MIGA1: variants seen among roughly 807,000 people sequenced by gnomAD.
The protein encoded by MIGA1 is mitoguardin 1.
A neutral mutation model predicts 82.0 loss-of-function variants in MIGA1; 58 were observed. The ratio of observed to expected loss-of-function variants is 0.71; its 90% CI spans 0.57 to 0.88. The LOEUF (loss-of-function observed/expected upper bound fraction) is 0.88. Ranked by LOEUF, MIGA1 falls within the 40% of genes least tolerant of loss-of-function variation. The pLI is 0.00. For missense variants in MIGA1, 751 were observed against 749.1 expected, an observed-to-expected ratio of 1.00 and a Z score of -0.03; for synonymous variants, 249 against 253.6, an observed-to-expected ratio of 0.98 and a Z score of 0.17.
At chr1:77,783,759 A>G (rs574436753) in intron 2 of MIGA1, among the ~76,000 whole-genome samples, 1 of 152,222 alleles carries the variant, frequency 6.6e-6, no homozygotes, top group Non-Finnish European at 1.5e-5. Flanking sequence ...ACATTGTTGT[A>G]CAAACAATAT....
At chr1:77,816,705 AAGT>A (rs1187414412) in intron 7 of MIGA1, among the ~76,000 whole-genome samples, 1 of 152,226 alleles carries the variant, frequency 6.6e-6, no homozygotes, top group African/African-American at 2.4e-5. Flanking sequence ...TCTAGAAAAA[AAGT>A]AGGCAGTATT....
intron 11 of MIGA1, chr1:77,860,901 CCAAAAGAAGCAGAACTGCAA>C: frequency 4.1e-6 from 1 of 241,350 alleles, no homozygotes; most frequent in Non-Finnish European, 8.0e-6. Context: ...TAGGGTTCCT[CCAAAAGAAGCAGAACTGCAA>C]CAAAAGCCTC....
intron 2 of MIGA1, among the ~76,000 whole-genome samples, chr1:77,791,603 AC>A (rs1248251927): frequency 1.5e-5 from 2 of 135,164 alleles, no homozygotes; most frequent in Non-Finnish European, 3.1e-5. Context: ...TTGCTCTGTC[AC>A]CCAGACTGGA....
intron 8 of MIGA1, chr1:77,847,326 G>A (rs1469302778): frequency 1.1e-6 from 1 of 919,358 alleles, no homozygotes; most frequent in East Asian, 2.4e-5. Flanking sequence ...TACTGTGTAT[G>A]AATATGACAG....
At chr1:77,811,870 A>T in intron 5 of MIGA1, 1 of 1,454,504 alleles carries the variant, frequency 6.9e-7, no homozygotes, top group Non-Finnish European at 9.0e-7. Context: ...CCCCGACATT[A>T]ACAGGGCCAG....
intron 8 of MIGA1, among the ~76,000 whole-genome samples, chr1:77,855,349 G>A (rs899075739): frequency 3.3e-5 from 5 of 152,026 alleles, no homozygotes. Context: ...AATTCTTTTC[G>A]CTTAGTCTTT....
chr1:77,849,963 A>G (rs1684983115), intron 8 of MIGA1, among the ~76,000 whole-genome samples: 1 of 151,892 alleles, frequency 6.6e-6, no homozygotes, highest in South Asian at 2.1e-4. Context: ...TGAACCTGGG[A>G]AGCAGAGGTT....
chr1:77,813,135 C>G (rs575334308), intron 5 of MIGA1, among the ~76,000 whole-genome samples: 1 of 152,206 alleles, frequency 6.6e-6, no homozygotes, highest in South Asian at 2.1e-4. Flanking sequence ...GCACGTATCA[C>G]CACACCTGGC....
chr1:77,848,367 AAAAGC>A, intron 8 of MIGA1: 1 of 1,155,414 alleles, frequency 8.7e-7, no homozygotes, highest in Non-Finnish European at 1.3e-6. Context: ...GAAGGAAGAG[AAAAGC>A]AAAGCAAAGG....
intron 1 of MIGA1, among the ~76,000 whole-genome samples, chr1:77,780,997 C>T (rs1056891612): frequency 6.6e-6 from 1 of 151,442 alleles, no homozygotes; most frequent in African/African-American, 2.4e-5. Flanking sequence ...ACCTCCGCCC[C>T]TAGGGTTCTA....
At chr1:77,811,281 T>C in intron 5 of MIGA1, 2 of 1,591,438 alleles carry the variant, frequency 1.3e-6, no homozygotes, top group Non-Finnish European at 1.7e-6. Context: ...TAGTGAGTAA[T>C]GTCATTCCTG....
rs560892401 is a variant in MIGA1 at position 77,861,492 on chromosome 1, G to A, written c.1374+170G>A. Reference sequence around the variant, plus strand: ...ACCACACTCCTTGTACGTTGGGGCAGTAGTTGTAAATTGTTTTCTAAGAAG... The same window carrying A: ...ACCACACTCCTTGTACGTTGGGGCAATAGTTGTAAATTGTTTTCTAAGAAG... On this transcript the variant is annotated intron_variant, in intron 12 of 15. Transcript: ENST00000370791. 20 of 520,234 alleles carry A rather than the reference G, an allele frequency of 3.8e-5. No homozygotes were observed. In the South Asian group the frequency reaches 4.8e-4, roughly 12 times the overall value. 32.2% of individuals were successfully genotyped at this position (520,234 alleles called of 1,614,324 possible).
At chr1:77,842,901 A>G (rs1354095791) in intron 7 of MIGA1, among the ~76,000 whole-genome samples, 1 of 152,202 alleles carries the variant, frequency 6.6e-6, no homozygotes, top group Admixed American at 6.5e-5. Flanking sequence ...TTATGTTAAT[A>G]ATATAGTTGA....
chr1:77,828,196 G>A (rs112321747), intron 7 of MIGA1, among the ~76,000 whole-genome samples: 4,021 of 152,142 alleles, frequency 0.026, 57 homozygotes, highest in Middle Eastern at 0.078. Flanking sequence ...ACTCCTTGTG[G>A]GCAGAAGACA....
chr1:77,830,869 C>CA (rs1380881559), intron 7 of MIGA1, among the ~76,000 whole-genome samples: 1 of 152,168 alleles, frequency 6.6e-6, no homozygotes, highest in African/African-American at 2.4e-5. Flanking sequence ...TTAAACACAA[C>CA]TCTGAAGCAT....
At chr1:77,790,590 T>C (rs1411408634) in intron 2 of MIGA1, among the ~76,000 whole-genome samples, 1 of 145,604 alleles carries the variant, frequency 6.9e-6, no homozygotes, top group Non-Finnish European at 1.5e-5. Flanking sequence ...CACCATTCCT[T>C]TTTTTTTTTT....
intron 8 of MIGA1, chr1:77,848,796 T>C: frequency 1.6e-6 from 2 of 1,237,898 alleles, no homozygotes; most frequent in Non-Finnish European, 2.2e-6. Flanking sequence ...ACAAACAAGA[T>C]GATTGATGGC....
chr1:77,868,790 G>C (rs1287031402), intron 14 of MIGA1, among the ~76,000 whole-genome samples: 4 of 151,956 alleles, frequency 2.6e-5, no homozygotes, highest in African/African-American at 9.7e-5. Context: ...TCACTAACTA[G>C]CTGTGTGTGA....
intron 7 of MIGA1, among the ~76,000 whole-genome samples, chr1:77,827,839 A>G (rs1283365186): frequency 6.6e-6 from 1 of 152,202 alleles, no homozygotes; most frequent in African/African-American, 2.4e-5. Context: ...TAAAATGTAA[A>G]ACCAGAATAG....
Sources: allele counts gnomAD v4.1 joint callset (sites outside exome capture counted in the v4.1 genomes callset), GRCh38; gene constraint gnomAD v4.1.1; transcripts MANE v1.5; gene names NCBI Gene and HGNC (gene_info 2026-07-23, HGNC 2026-07-21).